The following LY9 variants were observed in gnomAD, a reference collection of about 807,000 sequenced individuals.
LY9 encodes T-lymphocyte surface antigen Ly-9.
A neutral mutation model predicts 64.6 loss-of-function variants in LY9; 59 were observed. The observed-to-expected ratio is 0.91, with a 90% CI of 0.74 to 1.13. The LOEUF is 1.13. Among genes scored for constraint, LY9 ranks in the 50% most tolerant of loss-of-function variants. LY9 has a pLI of 0.00. For missense variants in LY9, 789 were observed against 797.2 expected (o/e 0.99, Z 0.12); for synonymous variants, 281 against 308.5 (o/e 0.91, Z 0.93).
chr1:160,800,379 CT>C (rs1477602190), intron 2 of LY9, among the ~76,000 whole-genome samples: 1 of 81,496 alleles, frequency 1.2e-5, no homozygotes, highest in Non-Finnish European at 2.8e-5. Context: ...TCTCTGCTAT[CT>C]ATCTTTCCAC....
Position 160,814,614 on chromosome 1 carries a change from T to C in LY9, c.925T>C (p.Tyr309His). ...ADPLIKSRDP[Y>H]KNRVWVSSQD... Reference sequence around the variant, plus strand: ...TCCACTCATTAAATCCAGGGATCCTTACAAGAACAGGGTGTGGGTCTCCAG... The same window carrying C: ...TCCACTCATTAAATCCAGGGATCCTCACAAGAACAGGGTGTGGGTCTCCAG... The change falls in exon 4 of 10, where the codon TAC (tyrosine) becomes CAC (histidine). Residue 309 changes from tyrosine to histidine, a missense_variant. Physicochemically the swap from Tyr to His is moderately conservative, Grantham distance 83. Transcript: ENST00000263285. 1 of 1,614,068 alleles carries C rather than the reference T, an allele frequency of 6.2e-7. No individual in the cohort carries two copies. The highest frequency in any genetic ancestry group is 1.1e-5 in the South Asian group (1 of 91,070).
chr1:160,822,129 G>C (rs918231757), intron 7 of LY9, among the ~76,000 whole-genome samples: 1 of 152,076 alleles, frequency 6.6e-6, no homozygotes, highest in Non-Finnish European at 1.5e-5. Flanking sequence ...GTTTGTCCTC[G>C]CGTGCCGGGA....
chr1:160,821,821 C>G (rs997060308), intron 7 of LY9, among the ~76,000 whole-genome samples: 2 of 152,112 alleles, frequency 1.3e-5, no homozygotes, highest in Admixed American at 1.3e-4. Flanking sequence ...GAGGGGCCAG[C>G]CGGGAGGGGG....
intron 2 of LY9, among the ~76,000 whole-genome samples, chr1:160,804,765 CT>C: frequency 6.6e-6 from 1 of 152,186 alleles, no homozygotes; most frequent in African/African-American, 2.4e-5. Context: ...AATTTCACTA[CT>C]TGTCGTTGGT....
chr1:160,813,539 GCT>G, intron 2 of LY9, 95 bp from the exon 3 acceptor site: 1 of 1,267,068 alleles, frequency 7.9e-7, no homozygotes, highest in Non-Finnish European at 1.1e-6. Context: ...GCCTCTCTCT[GCT>G]GCCCCCAACT....
At chr1:160,824,500 G>A in intron 9 of LY9, 1 of 985,128 alleles carries the variant, frequency 1.0e-6, no homozygotes, top group South Asian at 4.7e-5. Flanking sequence ...ACACTGACCT[G>A]AATGACAGCT....
At chr1:160,805,919 C>CT (rs60244350) in intron 2 of LY9, among the ~76,000 whole-genome samples, 19,963 of 72,468 alleles carry the variant, frequency 0.28, 2,959 homozygotes, top group African/African-American at 0.42. Context: ...CATTCTTTGT[C>CT]TTTTTTTTTT....
intron 2 of LY9, 36 bp from the exon 3 acceptor site, chr1:160,813,599 AG>A: frequency 6.3e-7 from 1 of 1,589,022 alleles, no homozygotes; most frequent in Non-Finnish European, 8.6e-7. Context: ...TGCTGGCAAA[AG>A]GATCTGAGCA....
chr1:160,828,053 G>T lies in LY9; in HGVS notation c.*237G>T. 1 of 333,052 alleles carries T rather than the reference G, an allele frequency of 3.0e-6. No homozygotes were observed. The highest frequency in any genetic ancestry group is 6.3e-5 in the South Asian group (1 of 15,872). The allele number at this position is 333,052 out of a possible 1,614,324, so 20.6% of individuals were successfully genotyped here. ...GGCTTCAGATGTCTTTGCCCCATTT[G>T]TCACCTCGCACACTTATAGCGTTTC... is the stretch of plus-strand genomic sequence containing the variant. On this transcript the variant is annotated 3_prime_UTR_variant, in exon 10 of 10. Coordinates refer to ENST00000263285, the MANE Select transcript of LY9 (RefSeq NM_002348.4).
chr1:160,827,668 GGCCTT>G lies in LY9; in HGVS notation c.1900-74_1900-70del, dbSNP rs1202373496. ...CTGTAGGATGGACCAGTCATAGCCTGGCCTTGCCTTCCTCTTTCATCAGCCTCACT... is the reference window on the plus strand; with the variant it reads ...CTGTAGGATGGACCAGTCATAGCCTGGCCTTCCTCTTTCATCAGCCTCACT... On this transcript the variant is annotated intron_variant, in intron 9 of 9. Coordinates refer to ENST00000263285, the MANE Select transcript of LY9 (RefSeq NM_002348.4). The G allele has an allele frequency of 2.7e-6, 3 of 1,108,308 alleles. No homozygotes were observed. In the Admixed American group the frequency reaches 6.0e-5, roughly 22 times the overall value. The allele number at this position is 1,108,308 out of a possible 1,614,324, so 68.7% of individuals were successfully genotyped here. A position where few individuals can be genotyped will look rare whatever the true frequency, so the allele number is the denominator to read the frequency against.
intron 2 of LY9, among the ~76,000 whole-genome samples, chr1:160,806,948 G>T (rs1667044222): frequency 6.6e-6 from 1 of 151,746 alleles, no homozygotes; most frequent in African/African-American, 2.4e-5. Context: ...TTTTTGTTTG[G>T]CTGAATTATT....
rs564685018 is a variant in LY9 at position 160,820,671 on chromosome 1, G to T, written c.1498+1297G>T. Among the ~76,000 whole-genome samples the T allele has an allele frequency of 2.7e-3, 414 of 152,154 alleles. 8 individuals are homozygous for T. The South Asian group carries it at 0.039, about 14-fold the overall frequency. On this transcript the variant is annotated intron_variant, in intron 7 of 9. Coordinates refer to ENST00000263285, the MANE Select transcript of LY9 (RefSeq NM_002348.4). The stretch of plus-strand genomic sequence containing the variant: ...TGCCTGAACCCTCCTTCCTTGGGCA[G>T]AGGGTAAAGAGATGTTGGGGCCACC...
At chr1:160,813,524 C>T (rs562341895) in intron 2 of LY9, 112 bp from the exon 3 acceptor site, 22 of 1,043,482 alleles carry the variant, frequency 2.1e-5, no homozygotes, top group East Asian at 7.3e-5. Flanking sequence ...CGACAGGTAA[C>T]GCTGGCCTCT....
In LY9 at chr1:160,799,750, C is replaced by A; in HGVS notation, c.125-3C>A. 17 of 1,602,692 alleles carry A rather than the reference C, an allele frequency of 1.1e-5. No homozygotes were observed. Among genetic ancestry groups the A allele is most frequent in the Non-Finnish European group, 1.5e-5 (17 of 1,171,700 alleles). On this transcript the variant is annotated splice_region_variant and splice_polypyrimidine_tract_variant and intron_variant, in intron 1 of 9. Coordinates refer to ENST00000263285, the MANE Select transcript of LY9 (RefSeq NM_002348.4). ...CCTCCAAGTCCCTCTTCTATCTCTG[C>A]AGGACTAAGAGCCTCTGGAAAGGAC...
chr1:160,816,576 C>A lies in LY9; in HGVS notation c.1073-18C>A. ...GGGCAGGCCTGATTCCACATGGAGTCTGCCTCTCTCCTCACAGGCAGGCTG... is the reference window on the plus strand; with the variant it reads ...GGGCAGGCCTGATTCCACATGGAGTATGCCTCTCTCCTCACAGGCAGGCTG... On this transcript the variant is annotated intron_variant, in intron 4 of 9. Transcript: ENST00000263285. 1 of 1,571,582 alleles carries A rather than the reference C, an allele frequency of 6.4e-7. No individual in the cohort carries two copies. The highest frequency in any genetic ancestry group is 1.2e-5 in the South Asian group (1 of 86,734).
chr1:160,812,620 A>G (rs1667596462), intron 2 of LY9: 1 of 152,236 alleles, frequency 6.6e-6, no homozygotes, highest in African/African-American at 2.4e-5. Context: ...ATATCTGTCT[A>G]TATCTAGAAT....
chr1:160,824,337 C>A, intron 9 of LY9, 88 bp downstream of exon 9: 1 of 1,577,272 alleles, frequency 6.3e-7, no homozygotes, highest in Non-Finnish European at 8.6e-7. Flanking sequence ...CCGAGATTCC[C>A]ATGGCTAAGG....
chr1:160,805,842 G>A (rs4656931), intron 2 of LY9, among the ~76,000 whole-genome samples: 90,842 of 150,382 alleles, frequency 0.6, 28,821 homozygotes, highest in Non-Finnish European at 0.69. Flanking sequence ...CTCCAGTGTT[G>A]GGTGCATATA....
At chr1:160,827,707 G>T (rs1334454268) in intron 9 of LY9, 41 bp from the exon 10 acceptor site, 3 of 1,514,336 alleles carry the variant, frequency 2.0e-6, no homozygotes, top group East Asian at 2.3e-5. Context: ...CTCTTCCAAG[G>T]CTTTATTAAC....
Sources: gnomAD v4.1 joint callset for allele counts (sites outside exome capture counted in the v4.1 genomes callset) on GRCh38, gnomAD v4.1.1 for gene constraint, MANE v1.5 for transcripts, NCBI Gene and HGNC (gene_info 2026-07-23, HGNC 2026-07-21) for gene names.